Variants in SND1 observed in about 807,000 individuals in gnomAD.
SND1 encodes staphylococcal nuclease and tudor domain containing 1.
In SND1, 38 loss-of-function variants were observed where a neutral mutation model predicts 121.7. The observed-to-expected ratio is 0.31, with a 90% CI of 0.24 to 0.41. The LOEUF (loss-of-function observed/expected upper bound fraction) is 0.41, where lower values mean the gene tolerates loss of function less well. SND1 is among the 10% of genes least tolerant of loss of function. The pLI is 1.00. For missense variants in SND1, 868 were observed against 1,184.6 expected, an observed-to-expected ratio of 0.73 and a Z score of 3.92; for synonymous variants, 401 against 447.4, an observed-to-expected ratio of 0.90 and a Z score of 1.31.
At chr7:127,728,590 C>G (rs1245173615) in intron 10 of SND1, among the ~76,000 whole-genome samples, 1 of 152,194 alleles carries the variant, frequency 6.6e-6, no homozygotes, top group African/African-American at 2.4e-5. Context: ...TCTGTAGCAT[C>G]GTGCACTGTT....
intron 1 of SND1, 86 bp downstream of exon 1, chr7:127,652,537 A>G (rs1795140530): frequency 7.2e-6 from 8 of 1,116,802 alleles, no homozygotes; most frequent in Non-Finnish European, 7.7e-6. Context: ...AGCCTGCTCC[A>G]TGTCCCAGAT....
chr7:127,817,721 CTTTTTTTTTT>C lies in SND1; in HGVS notation c.1242+10165_1242+10174del, dbSNP rs72233818. 2.3e-4 allele frequency among the ~76,000 whole-genome samples: 24 copies of C among 104,096 alleles called. 1 individual carries two copies. The highest frequency in any genetic ancestry group is 5.7e-4 in the East Asian group (2 of 3,498). 68.3% of individuals were successfully genotyped at this position (104,096 alleles called of 152,430 possible). ...CATTTCACAACTTCTTTCCTTCATA[CTTTTTTTTTT>C]TTTTTTTTTTTTTTTTGGTCAGGAA... is the stretch of plus-strand genomic sequence containing the variant. On this transcript the variant is annotated intron_variant, in intron 11 of 23. Transcript: ENST00000354725.
rs1431477929 is a variant in SND1, at chr7:127,841,512, G to A, written c.1243-2812G>A. Among the ~76,000 whole-genome samples the A allele has an allele frequency of 3.9e-5, 6 of 152,132 alleles. No homozygotes were observed. The East Asian group carries it at 7.7e-4, about 20-fold the overall frequency. The stretch of plus-strand genomic sequence containing the variant: ...TTCACTGTCTACCTTCTGTACACTC[G>A]TGATTTTTTGCCATGACTCCAGCTA... On this transcript the variant is annotated intron_variant, in intron 11 of 23. Coordinates refer to ENST00000354725, the MANE Select transcript of SND1 (RefSeq NM_014390.4).
At chr7:128,077,520 G>A (rs867447717) in intron 17 of SND1, among the ~76,000 whole-genome samples, 9 of 152,236 alleles carry the variant, frequency 5.9e-5, no homozygotes, top group Non-Finnish European at 1.2e-4. Context: ...CAGGCAGGAG[G>A]GGCCTCCATC....
intron 1 of SND1, among the ~76,000 whole-genome samples, chr7:127,657,676 TTTG>T (rs1795234885): frequency 7.6e-6 from 1 of 130,876 alleles, no homozygotes; most frequent in East Asian, 2.0e-4. Context: ...TTTATTCTTT[TTTG>T]TAGAAATGGG....
At chr7:127,656,087 A>G (rs1420045064) in intron 1 of SND1, among the ~76,000 whole-genome samples, 2 of 152,108 alleles carry the variant, frequency 1.3e-5, no homozygotes, top group Non-Finnish European at 2.9e-5. Context: ...TCTAAGAACC[A>G]TGATTCTCAC....
At chr7:127,854,014 A>T (rs548567089) in intron 12 of SND1, among the ~76,000 whole-genome samples, 1 of 152,068 alleles carries the variant, frequency 6.6e-6, no homozygotes, top group South Asian at 2.1e-4. Flanking sequence ...CTATTTCTCC[A>T]CTAGTCTGAC....
intron 1 of SND1, among the ~76,000 whole-genome samples, chr7:127,661,054 G>A (rs561177870): frequency 2.6e-5 from 4 of 152,238 alleles, no homozygotes; most frequent in South Asian, 4.2e-4. Context: ...TTGAAGGGGC[G>A]GGACATAAAT....
intron 1 of SND1, among the ~76,000 whole-genome samples, chr7:127,671,740 T>C (rs1442066625): frequency 6.6e-6 from 1 of 152,210 alleles, no homozygotes; most frequent in East Asian, 1.9e-4. Context: ...AACTTTGAAC[T>C]CAAAGCCAAT....
chr7:127,686,921 T>A, intron 2 of SND1, 159 bp downstream of exon 2: 1 of 770,988 alleles, frequency 1.3e-6, no homozygotes, highest in Non-Finnish European at 2.0e-6. Context: ...AGCTTGTATC[T>A]GTTGTTTATA....
intron 10 of SND1, among the ~76,000 whole-genome samples, chr7:127,761,490 A>C (rs997476745): frequency 3.9e-5 from 6 of 152,256 alleles, no homozygotes; most frequent in African/African-American, 1.4e-4. Context: ...ACACCAAAAA[A>C]TGAATATGAT....
At chr7:127,758,662 A>T (rs35312580) in intron 10 of SND1, among the ~76,000 whole-genome samples, 1 of 152,146 alleles carries the variant, frequency 6.6e-6, no homozygotes, top group African/African-American at 2.4e-5. Context: ...TTATAGTAGA[A>T]CCTTGCTAAT....
chr7:127,995,046 A>G (rs1168671434), intron 16 of SND1, among the ~76,000 whole-genome samples: 2 of 152,078 alleles, frequency 1.3e-5, no homozygotes, highest in Non-Finnish European at 2.9e-5. Flanking sequence ...TCTTTCATGT[A>G]TTGTCTATAA....
At chr7:128,046,315 G>GT (rs1203057219) in intron 16 of SND1, among the ~76,000 whole-genome samples, 1 of 148,034 alleles carries the variant, frequency 6.8e-6, no homozygotes, top group Non-Finnish European at 1.5e-5. Context: ...CCCATGCTGG[G>GT]TTTTTTGGGG....
Position 128,085,891 on chromosome 7 carries a change from C to T in SND1, c.2304+111C>T. The T allele has an allele frequency of 1.1e-6, 1 of 924,958 alleles. No individual in the cohort carries two copies. The highest frequency in any genetic ancestry group is 1.5e-5 in the South Asian group (1 of 68,736). 57.3% of individuals were successfully genotyped at this position (924,958 alleles called of 1,614,324 possible). ...CTGAGCTTACCAATAGAACAATGAGCATTGGGGCATCTCTGCTGTGCGTGT... is the reference window on the plus strand; with the variant it reads ...CTGAGCTTACCAATAGAACAATGAGTATTGGGGCATCTCTGCTGTGCGTGT... On this transcript the variant is annotated intron_variant, in intron 20 of 23. Transcript: ENST00000354725. The surrounding 1 kb of genome is among the most constrained non-coding windows in gnomAD (Gnocchi z 4.4).
chr7:127,876,294 GTGTT>G lies in SND1; in HGVS notation c.1344-11605_1344-11602del, dbSNP rs1563044107. Among the ~76,000 whole-genome samples the G allele has an allele frequency of 2.0e-5, 3 of 152,276 alleles. No homozygotes were observed. The South Asian group carries it at 6.2e-4, about 32-fold the overall frequency. ...ATCCTTTAAGAAGATTCAGCTGACA[GTGTT>G]TGGAATTGGTCAGCATCACCAGGAG... On this transcript the variant is annotated intron_variant, in intron 12 of 23. Transcript: ENST00000354725.
At chr7:127,724,081 G>C (rs117186773) in intron 10 of SND1, among the ~76,000 whole-genome samples, 1,820 of 152,304 alleles carry the variant, frequency 0.012, 26 homozygotes, top group South Asian at 0.048. Context: ...GTCATTGTTG[G>C]TACATATTTA....
intron 11 of SND1, among the ~76,000 whole-genome samples, chr7:127,836,782 T>G (rs1181161936): frequency 6.6e-6 from 1 of 152,160 alleles, no homozygotes; most frequent in African/African-American, 2.4e-5. Context: ...TCCATTAGAA[T>G]AAACTTCAAA....
At chr7:127,975,160 CACAA>C (rs1374495933) in intron 15 of SND1, among the ~76,000 whole-genome samples, 2 of 152,160 alleles carry the variant, frequency 1.3e-5, no homozygotes, top group Non-Finnish European at 2.9e-5. Flanking sequence ...AAGAGGCACA[CACAA>C]ACCATACAGC....
Sources: allele counts gnomAD v4.1 joint callset (sites outside exome capture counted in the v4.1 genomes callset), GRCh38; gene constraint gnomAD v4.1.1; non-coding constraint Gnocchi (gnomAD v3.1); transcripts MANE v1.5; gene names NCBI Gene and HGNC (gene_info 2026-07-23, HGNC 2026-07-21).